RBFOX1: variants seen among roughly 807,000 people sequenced by gnomAD.
RBFOX1 encodes RNA binding protein fox-1 homolog 1.
A neutral mutation model predicts 57.7 loss-of-function variants in RBFOX1; 8 were observed. The observed-to-expected ratio is 0.14, with a 90% CI of 0.08 to 0.25. The LOEUF is 0.25. Ranked by LOEUF, RBFOX1 falls within the 10% of genes least tolerant of loss-of-function variation. The probability of loss-of-function intolerance (pLI) is 1.00; values close to 1 mark genes in which losing one functional copy is unlikely to be tolerated. For missense variants in RBFOX1, 611 were observed against 548.5 expected, an observed-to-expected ratio of 1.11 and a Z score of -1.14; for synonymous variants, 326 against 222.4, an observed-to-expected ratio of 1.47 and a Z score of -4.15.
At chr16:6,840,489 G>A (rs563531165) in intron 3 of RBFOX1, among the ~76,000 whole-genome samples, 2 of 152,202 alleles carry the variant, frequency 1.3e-5, no homozygotes, top group South Asian at 2.1e-4. Flanking sequence ...CCCTAAATTT[G>A]TGTGTTGAAA....
intron 4 of RBFOX1, among the ~76,000 whole-genome samples, chr16:7,094,994 T>G (rs562344085): frequency 2.2e-4 from 33 of 152,268 alleles, no homozygotes; most frequent in Non-Finnish European, 4.4e-4. Flanking sequence ...AAACATCAAT[T>G]GTGGAATAAC....
In RBFOX1 at chr16:6,539,794, T is replaced by G. The variant is rs551803734; in HGVS notation, c.-63-114809T>G. On this transcript the variant is annotated intron_variant, in intron 2 of 15. Transcript: ENST00000550418. Reference sequence around the variant, plus strand: ...GCCTAGGCGGCAGACTGAGGCTGCATCTCAAAACACAGACACACACACACA... The same window carrying G: ...GCCTAGGCGGCAGACTGAGGCTGCAGCTCAAAACACAGACACACACACACA... 5.1e-4 allele frequency among the ~76,000 whole-genome samples: 33 copies of G among 64,714 alleles called. No homozygotes were observed. The East Asian group carries it at 0.034, about 66-fold the overall frequency. 42.5% of individuals were successfully genotyped at this position (64,714 alleles called of 152,430 possible).
At chr16:6,966,761 GTCTATCTATCTA>G (rs57023399) in intron 3 of RBFOX1, among the ~76,000 whole-genome samples, 2,778 of 149,174 alleles carry the variant, frequency 0.019, 43 homozygotes, top group East Asian at 0.048. Flanking sequence ...CTGTCTGTCT[GTCTATCTATCTA>G]TCTATCTATC....
At chr16:5,526,308 A>T (rs2044243927) in intron 2 of RBFOX1, among the ~76,000 whole-genome samples, 1 of 151,906 alleles carries the variant, frequency 6.6e-6, no homozygotes, top group East Asian at 1.9e-4. Flanking sequence ...TTGTTATTTG[A>T]AACAGAGTCT....
At chr16:7,146,344 T>C (rs543366643) in intron 4 of RBFOX1, among the ~76,000 whole-genome samples, 10 of 152,360 alleles carry the variant, frequency 6.6e-5, no homozygotes, top group Non-Finnish European at 1.0e-4. Flanking sequence ...CTTGCAGTGA[T>C]GGTCTTTCCT....
chr16:6,558,497 G>A (rs556712725), intron 2 of RBFOX1, among the ~76,000 whole-genome samples: 3 of 152,078 alleles, frequency 2.0e-5, no homozygotes, highest in South Asian at 4.1e-4. Flanking sequence ...CATCTGTCAC[G>A]TTGGAAGGAC....
intron 1 of RBFOX1, among the ~76,000 whole-genome samples, chr16:5,281,430 C>A (rs1278762971): frequency 6.6e-6 from 1 of 152,174 alleles, no homozygotes; most frequent in Non-Finnish European, 1.5e-5. Context: ...CTGAAAATAA[C>A]TGTTAGGTCC....
At chr16:7,213,768 C>T (rs925104338) in intron 4 of RBFOX1, among the ~76,000 whole-genome samples, 1 of 152,106 alleles carries the variant, frequency 6.6e-6, no homozygotes, top group African/African-American at 2.4e-5. Context: ...ACGGATAGAG[C>T]CATAAACCAA....
chr16:5,400,629 C>T (rs1406507064), intron 1 of RBFOX1, among the ~76,000 whole-genome samples: 1 of 151,810 alleles, frequency 6.6e-6, no homozygotes, highest in African/African-American at 2.4e-5. Context: ...TATGCCTGGG[C>T]CATAGTTTAA....
intron 2 of RBFOX1, among the ~76,000 whole-genome samples, chr16:6,600,517 A>C (rs1239828032): frequency 6.6e-6 from 1 of 152,204 alleles, no homozygotes; most frequent in Non-Finnish European, 1.5e-5. Flanking sequence ...TTCAGCTGAT[A>C]ACTGCTCTGG....
At chr16:5,657,056 G>T (rs2151379425) in intron 3 of RBFOX1, among the ~76,000 whole-genome samples, 1 of 152,228 alleles carries the variant, frequency 6.6e-6, no homozygotes, top group African/African-American at 2.4e-5. Flanking sequence ...CTGTGTAACA[G>T]ACCTACATGT....
chr16:7,453,559 C>T (rs1311539524), intron 4 of RBFOX1, among the ~76,000 whole-genome samples: 1 of 152,080 alleles, frequency 6.6e-6, no homozygotes, highest in Non-Finnish European at 1.5e-5. Context: ...TGACAGTAAG[C>T]CAGGAGCTCT....
intron 4 of RBFOX1, among the ~76,000 whole-genome samples, chr16:7,346,185 C>T (rs564564712): frequency 6.6e-6 from 1 of 152,198 alleles, no homozygotes; most frequent in African/African-American, 2.4e-5. Flanking sequence ...GCATAGTATT[C>T]CATGGTGTAT....
At chr16:7,170,880 T>G (rs1253931942) in intron 4 of RBFOX1, among the ~76,000 whole-genome samples, 1 of 152,180 alleles carries the variant, frequency 6.6e-6, no homozygotes, top group Non-Finnish European at 1.5e-5. Flanking sequence ...AGTTGAGGGT[T>G]TCATCAAAAC....
At chr16:6,191,164 A>G (rs1335947795) in intron 1 of RBFOX1, among the ~76,000 whole-genome samples, 1 of 145,842 alleles carries the variant, frequency 6.9e-6, no homozygotes, top group African/African-American at 2.6e-5. Context: ...TGATACAGGC[A>G]TGAGTTAAAC....
chr16:7,645,090 C>A (rs2063500692), intron 11 of RBFOX1, among the ~76,000 whole-genome samples: 1 of 152,132 alleles, frequency 6.6e-6, no homozygotes, highest in Non-Finnish European at 1.5e-5. Flanking sequence ...ACGTTGTCAC[C>A]ATCTTTTTTT....
At chr16:7,423,296 T>G (rs114910482) in intron 4 of RBFOX1, among the ~76,000 whole-genome samples, 1,670 of 152,198 alleles carry the variant, frequency 0.011, 32 homozygotes, top group African/African-American at 0.037. Context: ...GTTAACTGAT[T>G]AGGTATTTTC....
chr16:6,959,782 C>G (rs756631677), intron 3 of RBFOX1, among the ~76,000 whole-genome samples: 3 of 152,048 alleles, frequency 2.0e-5, no homozygotes, highest in Admixed American at 6.6e-5. Context: ...ACCAAAAGTA[C>G]AAAAATTAGC....
At chr16:6,799,226 C>CAAT (rs1241134230) in intron 3 of RBFOX1, among the ~76,000 whole-genome samples, 1 of 152,160 alleles carries the variant, frequency 6.6e-6, no homozygotes, top group Admixed American at 6.5e-5. Flanking sequence ...CCGTGCACAG[C>CAAT]AATATGGCTG....
Sources: gnomAD v4.1 joint callset for allele counts (sites outside exome capture counted in the v4.1 genomes callset) on GRCh38, gnomAD v4.1.1 for gene constraint, MANE v1.5 for transcripts, NCBI Gene and HGNC (gene_info 2026-07-23, HGNC 2026-07-21) for gene names.